The following TUFT1 variants were observed in gnomAD, a reference collection of about 807,000 sequenced individuals.
TUFT1 encodes tuftelin 1.
In TUFT1, 43 loss-of-function variants were observed where a neutral mutation model predicts 57.8. That is an observed-to-expected ratio of 0.74 (90% CI 0.58 to 0.96). The LOEUF (loss-of-function observed/expected upper bound fraction) is 0.96. Among genes scored for constraint, TUFT1 ranks in the 40% least tolerant of loss-of-function variants. TUFT1 has a pLI of 0.00. For synonymous variants in TUFT1, 166 were observed against 176.7 expected, an observed-to-expected ratio of 0.94 and a Z score of 0.48; for missense variants, 459 against 489.0, an observed-to-expected ratio of 0.94 and a Z score of 0.58.
chr1:151,544,403 TCTC>T (rs1224125184), intron 1 of TUFT1, among the ~76,000 whole-genome samples: 1 of 151,112 alleles, frequency 6.6e-6, no homozygotes, highest in East Asian at 2.0e-4. Context: ...TTCAAGCAAT[TCTC>T]CTGCCTCAGC....
rs1255938689 is a variant in TUFT1, at chr1:151,581,630, A to C, written c.1110-14A>C. 6.2e-7 allele frequency: 1 copy of C among 1,614,004 alleles called. No individual in the cohort carries two copies. The highest frequency in any genetic ancestry group is 8.5e-7 in the Non-Finnish European group (1 of 1,179,950). ...GTTCCCAGCACAACTCAGTGTTTCC[A>C]ACCTTCTTTTCAGTATTAGGATATC... On this transcript the variant is annotated splice_polypyrimidine_tract_variant and intron_variant, in intron 12 of 12. Coordinates refer to ENST00000368849, the MANE Select transcript of TUFT1 (RefSeq NM_020127.3).
chr1:151,541,480 GA>G (rs1348206412), intron 1 of TUFT1, among the ~76,000 whole-genome samples: 1 of 152,088 alleles, frequency 6.6e-6, no homozygotes, highest in Non-Finnish European at 1.5e-5. Flanking sequence ...GGAGTGAAAT[GA>G]AAACTAAGGT....
chr1:151,566,769 G>A (rs2102543341), intron 6 of TUFT1, among the ~76,000 whole-genome samples: 1 of 152,018 alleles, frequency 6.6e-6, no homozygotes, highest in East Asian at 1.9e-4. Flanking sequence ...TAAGATCATG[G>A]TAAATACATT....
intron 1 of TUFT1, among the ~76,000 whole-genome samples, chr1:151,552,295 A>G (rs1014833399): frequency 3.3e-5 from 5 of 152,190 alleles, no homozygotes; most frequent in African/African-American, 9.6e-5. Context: ...GAAAAATGCT[A>G]CTGTGAACTT....
chr1:151,548,398 G>A (rs1048274093), intron 1 of TUFT1, among the ~76,000 whole-genome samples: 1 of 151,186 alleles, frequency 6.6e-6, no homozygotes, highest in Non-Finnish European at 1.5e-5. Context: ...CACCTCCCAG[G>A]TTCAAGTGAT....
intron 1 of TUFT1, 98 bp downstream of exon 1, chr1:151,540,524 G>T (rs1249941061): frequency 2.7e-5 from 38 of 1,413,908 alleles, no homozygotes; most frequent in Non-Finnish European, 3.5e-5. Flanking sequence ...ACATCACCTG[G>T]TGCCCGGCTC....
rs1666628546 is a variant in TUFT1, at chr1:151,580,935, G to A, written c.1009-7G>A. On this transcript the variant is annotated splice_polypyrimidine_tract_variant and splice_region_variant and intron_variant, in intron 11 of 12. Coordinates refer to ENST00000368849, the MANE Select transcript of TUFT1 (RefSeq NM_020127.3). ...GGCCAACTCTAACCCCTAAGCTTGT[G>A]TTACAGAATTTAGAGATGCATGACC... is the stretch of plus-strand genomic sequence containing the variant. The A allele has an allele frequency of 3.1e-6, 5 of 1,614,028 alleles. No individual in the cohort carries two copies. The East Asian group carries it at 1.1e-4, about 36-fold the overall frequency.
At chr1:151,576,444 C>T (rs1666464699) in intron 9 of TUFT1, among the ~76,000 whole-genome samples, 1 of 152,158 alleles carries the variant, frequency 6.6e-6, no homozygotes, top group South Asian at 2.1e-4. Context: ...TAGTGCAGAA[C>T]CACAGATTAA....
intron 1 of TUFT1, among the ~76,000 whole-genome samples, chr1:151,560,302 G>C (rs1174605706): frequency 6.6e-6 from 1 of 151,898 alleles, no homozygotes; most frequent in Non-Finnish European, 1.5e-5. Flanking sequence ...TGTAATCCCA[G>C]CTACTTGGGA....
At chr1:151,556,587 GT>G (rs1352503386) in intron 1 of TUFT1, among the ~76,000 whole-genome samples, 2 of 152,138 alleles carry the variant, frequency 1.3e-5, no homozygotes, top group Middle Eastern at 3.4e-3. Context: ...AAAAAAACAT[GT>G]TTTTTTGAAG....
At chr1:151,569,893 G>T (rs1666203154) in intron 7 of TUFT1, 123 bp downstream of exon 7, 1 of 798,962 alleles carries the variant, frequency 1.3e-6, no homozygotes, top group East Asian at 2.5e-5. Flanking sequence ...GAAAGGCAAG[G>T]CTGTGAAGCC....
intron 7 of TUFT1, among the ~76,000 whole-genome samples, chr1:151,573,902 T>G (rs892741870): frequency 6.6e-6 from 1 of 152,154 alleles, no homozygotes; most frequent in African/African-American, 2.4e-5. Flanking sequence ...GTATCCTCCC[T>G]GGGATTATTT....
chr1:151,579,054 A>C (rs891564839), intron 10 of TUFT1, among the ~76,000 whole-genome samples: 1 of 152,236 alleles, frequency 6.6e-6, no homozygotes, highest in African/African-American at 2.4e-5. Context: ...GAAAGGAAGG[A>C]AAAGGTTAAT....
At chr1:151,576,617 G>T (rs1163196158) in intron 9 of TUFT1, among the ~76,000 whole-genome samples, 1 of 152,102 alleles carries the variant, frequency 6.6e-6, no homozygotes, top group African/African-American at 2.4e-5. Context: ...TAGAACTCAG[G>T]TAAACATTTT....
At chr1:151,550,493 C>T (rs761098247) in intron 1 of TUFT1, among the ~76,000 whole-genome samples, 2 of 151,842 alleles carry the variant, frequency 1.3e-5, no homozygotes, top group Non-Finnish European at 2.9e-5. Flanking sequence ...TACAAGCATG[C>T]ACCACCAGGC....
In TUFT1 at chr1:151,563,952, A is replaced by G. The variant is rs570567143; in HGVS notation, c.286A>G (p.Ile96Val). 2.5e-6 allele frequency: 4 copies of G among 1,614,178 alleles called. No homozygotes were observed. In the South Asian group the frequency reaches 4.4e-5, roughly 18 times the overall value. The change falls in exon 4 of 13, where the codon ATT becomes GTT. Residue 96 changes from isoleucine to valine, a missense_variant. Coordinates refer to ENST00000368849, the MANE Select transcript of TUFT1 (RefSeq NM_020127.3). Reference sequence around the variant, plus strand: ...AGACAAGATGATTCACGAGAAGAATATTAACCAGCTGAAGAGTGAGGTCCA... The same window carrying G: ...AGACAAGATGATTCACGAGAAGAATGTTAACCAGCTGAAGAGTGAGGTCCA... ...SGDKMIHEKN[I>V]NQLKSEVQYI... is the part of the protein sequence containing the mutation.
At chr1:151,565,970 C>G in intron 5 of TUFT1, 193 bp from the exon 6 acceptor site, 4 of 466,568 alleles carry the variant, frequency 8.6e-6, no homozygotes, top group East Asian at 7.1e-5. Context: ...TTCGTTCCTT[C>G]TTCCTCTTCT....
chr1:151,579,605 G>T, intron 10 of TUFT1, 44 bp from the exon 11 acceptor site: 1 of 1,604,206 alleles, frequency 6.2e-7, no homozygotes, highest in South Asian at 1.1e-5. Context: ...AGTGTGTAAT[G>T]AGTCATTGCA....
At chr1:151,549,088 G>C (rs193054809) in intron 1 of TUFT1, among the ~76,000 whole-genome samples, 35 of 152,170 alleles carry the variant, frequency 2.3e-4, no homozygotes, top group African/African-American at 8.4e-4. Context: ...GAGGTAGCTG[G>C]GCTTCTCCCA....
Sources: gnomAD v4.1 joint callset for allele counts (sites outside exome capture counted in the v4.1 genomes callset) on GRCh38, gnomAD v4.1.1 for gene constraint, MANE v1.5 for transcripts, NCBI Gene and HGNC (gene_info 2026-07-23, HGNC 2026-07-21) for gene names.